The following TTC28 variants were observed in gnomAD, a reference collection of about 807,000 sequenced individuals.
TTC28 encodes tetratricopeptide repeat protein 28.
In TTC28, 61 loss-of-function variants were observed where a neutral mutation model predicts 198.0. The ratio of observed to expected loss-of-function variants is 0.31; its 90% CI spans 0.25 to 0.38. The LOEUF (loss-of-function observed/expected upper bound fraction) is 0.38, where lower values mean the gene tolerates loss of function less well. Among genes scored for constraint, TTC28 ranks in the 10% least tolerant of loss-of-function variants. TTC28 has a pLI of 1.00. For synonymous variants in TTC28, 1,171 were observed against 1,297.8 expected (o/e 0.90, Z 2.10); for missense variants, 2,678 against 3,164.0 (o/e 0.85, Z 3.69).
intron 12 of TTC28, among the ~76,000 whole-genome samples, chr22:28,054,042 T>C (rs974525633): frequency 6.6e-6 from 1 of 152,024 alleles, no homozygotes; most frequent in African/African-American, 2.4e-5. Context: ...GTGATCTGGG[T>C]TAGGAAAATA....
chr22:28,116,720 C>T (rs1394138275), intron 6 of TTC28, among the ~76,000 whole-genome samples: 1 of 152,222 alleles, frequency 6.6e-6, no homozygotes, highest in East Asian at 1.9e-4. Flanking sequence ...GCTGAGACAA[C>T]TGTTCCTTCT....
intron 1 of TTC28, among the ~76,000 whole-genome samples, chr22:28,659,073 T>A (rs908641717): frequency 6.6e-6 from 1 of 152,172 alleles, no homozygotes; most frequent in Non-Finnish European, 1.5e-5. Context: ...AAGGTGTCTA[T>A]CTGCAAAGCA....
Position 28,629,764 on chromosome 22 carries a change from C to T in TTC28, c.169G>A (p.Glu57Lys). 6.4e-7 allele frequency: 1 copy of T among 1,551,724 alleles called. No homozygotes were observed. The highest frequency in any genetic ancestry group is 2.4e-5 in the East Asian group (1 of 40,926). Reference protein sequence around the residue: ...SPDGPVLSKAEFVEKVRQSNQ... With the variant: ...SPDGPVLSKAKFVEKVRQSNQ... ...CTCTGACGAACTTTCTCAACAAATT[C>T]AGCTTTGCTCAGTACCGGTCCATCA... Residue 57 changes from glutamate (E) to lysine (K), a missense_variant, in exon 2 of 23, where the codon GAA becomes AAA. Physicochemically the swap from Glu to Lys is moderately conservative, Grantham distance 56. Transcript: ENST00000397906.
At chr22:28,188,653 A>AGGG (rs1924433191) in intron 5 of TTC28, among the ~76,000 whole-genome samples, 1 of 152,190 alleles carries the variant, frequency 6.6e-6, no homozygotes, top group Non-Finnish European at 1.5e-5. Flanking sequence ...GGTCAGTGAA[A>AGGG]GTCTGCATCC....
intron 2 of TTC28, among the ~76,000 whole-genome samples, chr22:28,362,664 T>C (rs2046177020): frequency 6.6e-6 from 1 of 152,288 alleles, no homozygotes; most frequent in African/African-American, 2.4e-5. Context: ...CTGATAATGA[T>C]ATGGACAATG....
chr22:28,229,844 T>G (rs1355105703), intron 5 of TTC28, among the ~76,000 whole-genome samples: 1 of 152,188 alleles, frequency 6.6e-6, no homozygotes, highest in African/African-American at 2.4e-5. Context: ...ATGTGTTCCT[T>G]TCTCTGTGAA....
chr22:28,178,631 C>T (rs963603461), intron 5 of TTC28, among the ~76,000 whole-genome samples: 1 of 152,058 alleles, frequency 6.6e-6, no homozygotes. Context: ...GCATTTATAC[C>T]TGGGAGCAGG....
Position 28,631,715 on chromosome 22 carries a change from G to A in TTC28, c.103-1885C>T, listed in dbSNP as rs117213613. 1.5e-3 allele frequency among the ~76,000 whole-genome samples: 224 copies of A among 152,088 alleles called. 5 individuals are homozygous for A. In the East Asian group the frequency reaches 0.039, roughly 27 times the overall value. On this transcript the variant is annotated intron_variant, in intron 1 of 22. Transcript: ENST00000397906. Reference sequence around the variant, plus strand: ...GATTTTTTTATTATTTTGTAGAGACGAAGTCTCCTCATGTTGCCGAGGCTG... The same window carrying A: ...GATTTTTTTATTATTTTGTAGAGACAAAGTCTCCTCATGTTGCCGAGGCTG...
intron 2 of TTC28, among the ~76,000 whole-genome samples, chr22:28,573,843 C>A (rs1344648288): frequency 6.6e-6 from 1 of 151,782 alleles, no homozygotes; most frequent in Non-Finnish European, 1.5e-5. Flanking sequence ...CCACTTCCCC[C>A]CACCCCCACT....
chr22:28,577,861 G>A (rs559145602), intron 2 of TTC28, among the ~76,000 whole-genome samples: 1 of 152,108 alleles, frequency 6.6e-6, no homozygotes, highest in African/African-American at 2.4e-5. Context: ...TGTCTTTATA[G>A]GTGAAGTGTG....
At position 27,982,257 on chromosome 22, in the gene TTC28, C is replaced by T; in HGVS notation, c.7410G>A (p.Leu2470=). 1 of 1,469,822 alleles carries T rather than the reference C, an allele frequency of 6.8e-7. No individual in the cohort carries two copies. Among genetic ancestry groups the T allele is most frequent in the Non-Finnish European group, 9.0e-7 (1 of 1,110,188 alleles). 91.0% of individuals were successfully genotyped at this position (1,469,822 alleles called of 1,614,324 possible). A position where few individuals can be genotyped will look rare whatever the true frequency, so the allele number is the denominator to read the frequency against. Residue 2470 remains leucine (L), a synonymous_variant, in exon 23 of 23, where the codon CTG becomes CTA. Transcript: ENST00000397906. This position sits in a 1 kb window ranked among gnomAD's most constrained non-coding sequence, Gnocchi z 5.2. The stretch of plus-strand genomic sequence containing the variant: ...AAGAAGGGAAAAATCTTCCTGGAGA[C>T]AGGAACTTGTAGCCATTTCCAGAAG... ...RLPSGNGYKF[L]SPGRFFPSSK...
At chr22:28,034,928 T>C (rs1388427135) in intron 12 of TTC28, among the ~76,000 whole-genome samples, 2 of 152,196 alleles carry the variant, frequency 1.3e-5, no homozygotes, top group Non-Finnish European at 2.9e-5. Context: ...GCTGTTCATA[T>C]GCAGCTTTCC....
At chr22:28,586,314 T>C (rs1311774908) in intron 2 of TTC28, among the ~76,000 whole-genome samples, 1 of 150,720 alleles carries the variant, frequency 6.6e-6, no homozygotes, top group Non-Finnish European at 1.5e-5. Context: ...GTAAGAAAGA[T>C]CAATTTTAAC....
intron 12 of TTC28, among the ~76,000 whole-genome samples, chr22:28,071,607 T>C (rs1940971325): frequency 6.7e-6 from 1 of 148,842 alleles, no homozygotes; most frequent in African/African-American, 2.5e-5. Flanking sequence ...CGGGGAGGGA[T>C]AGCATTGGGA....
chr22:28,066,303 T>TGG (rs201398399), intron 12 of TTC28, among the ~76,000 whole-genome samples: 7 of 140,000 alleles, frequency 5.0e-5, no homozygotes, highest in South Asian at 2.2e-4. Context: ...TGTGTGTGTG[T>TGG]GGTGTGTGTG....
chr22:28,193,725 A>G (rs563593547), intron 5 of TTC28, among the ~76,000 whole-genome samples: 57 of 152,334 alleles, frequency 3.7e-4, no homozygotes, highest in Non-Finnish European at 6.5e-4. Context: ...TCAATTCAAC[A>G]AGAAGAGCTA....
At chr22:28,347,874 G>A (rs900181572) in intron 2 of TTC28, among the ~76,000 whole-genome samples, 4 of 152,236 alleles carry the variant, frequency 2.6e-5, no homozygotes, top group African/African-American at 9.6e-5. Context: ...GACTCCGTCT[G>A]AAAAGAAAAG....
At chr22:28,031,575 G>C (rs1939077882) in intron 12 of TTC28, among the ~76,000 whole-genome samples, 1 of 152,076 alleles carries the variant, frequency 6.6e-6, no homozygotes, top group Admixed American at 6.5e-5. Flanking sequence ...GGACAAACAT[G>C]ACCCACTTCA....
chr22:28,253,497 G>C (rs528247564), intron 5 of TTC28, among the ~76,000 whole-genome samples: 3 of 152,134 alleles, frequency 2.0e-5, no homozygotes, highest in African/African-American at 7.2e-5. Flanking sequence ...GCAGATTAAA[G>C]CTCCATGGGG....
Sources: gnomAD v4.1 joint callset for allele counts (sites outside exome capture counted in the v4.1 genomes callset) on GRCh38, gnomAD v4.1.1 for gene constraint, Gnocchi (gnomAD v3.1) non-coding constraint, MANE v1.5 for transcripts, NCBI Gene and HGNC (gene_info 2026-07-23, HGNC 2026-07-21) for gene names.